The following PHACTR1 variants were observed in gnomAD, a reference collection of about 807,000 sequenced individuals.
The protein encoded by PHACTR1 is phosphatase and actin regulator 1, also known as RPEL repeat containing 1.
Under a neutral mutation model 69.2 loss-of-function variants are expected in PHACTR1, and 16 were observed. The ratio of observed to expected loss-of-function variants is 0.23; its 90% CI spans 0.16 to 0.35. PHACTR1 has a LOEUF of 0.35. PHACTR1 is among the 10% of genes least tolerant of loss of function. PHACTR1 has a pLI of 1.00. For missense variants in PHACTR1, 510 were observed against 734.7 expected, an observed-to-expected ratio of 0.69 and a Z score of 3.54; for synonymous variants, 312 against 284.5, an observed-to-expected ratio of 1.10 and a Z score of -0.97.
intron 8 of PHACTR1, 85 bp from the exon 9 acceptor site, chr6:13,227,731 C>T: frequency 6.6e-7 from 1 of 1,515,066 alleles, no homozygotes; most frequent in South Asian, 1.3e-5. Flanking sequence ...TAGGACTGGG[C>T]AACTGAGTTT....
At chr6:13,054,425 C>CA (rs1806464209) in intron 5 of PHACTR1, among the ~76,000 whole-genome samples, 1 of 152,166 alleles carries the variant, frequency 6.6e-6, no homozygotes, top group South Asian at 2.1e-4. Context: ...GCTGCCATAA[C>CA]AAAATACTGT....
intron 4 of PHACTR1, among the ~76,000 whole-genome samples, chr6:12,877,960 G>A (rs1032662075): frequency 2.1e-4 from 32 of 152,120 alleles, no homozygotes; most frequent in Non-Finnish European, 4.3e-4. Flanking sequence ...CTCACAGTGG[G>A]GAAGATCAAA....
intron 5 of PHACTR1, among the ~76,000 whole-genome samples, chr6:13,113,836 C>T (rs1214357798): frequency 3.3e-5 from 5 of 152,096 alleles, no homozygotes; most frequent in African/African-American, 1.2e-4. Flanking sequence ...TTTGCAGGCC[C>T]TATGATAGTT....
intron 4 of PHACTR1, among the ~76,000 whole-genome samples, chr6:12,852,310 C>G (rs1561945522): frequency 1.3e-5 from 2 of 152,156 alleles, no homozygotes; most frequent in Non-Finnish European, 2.9e-5. Context: ...AAAACAAACA[C>G]ATCTAACAAC....
At chr6:13,127,597 G>A (rs1819740796) in intron 5 of PHACTR1, among the ~76,000 whole-genome samples, 1 of 151,854 alleles carries the variant, frequency 6.6e-6, no homozygotes, top group Admixed American at 6.6e-5. Flanking sequence ...TAGAAGGAAG[G>A]TCACCAATGG....
chr6:13,260,789 G>A (rs1333965380), intron 10 of PHACTR1, among the ~76,000 whole-genome samples: 4 of 152,126 alleles, frequency 2.6e-5, no homozygotes, highest in Non-Finnish European at 5.9e-5. Context: ...AGAAATATGA[G>A]ACTATTAGTC....
At chr6:12,863,627 C>A (rs930083080) in intron 4 of PHACTR1, among the ~76,000 whole-genome samples, 2 of 152,232 alleles carry the variant, frequency 1.3e-5, no homozygotes, top group Non-Finnish European at 2.9e-5. Flanking sequence ...CACAGAAGTG[C>A]AGTCCTGGGA....
chr6:13,065,820 T>C (rs1270059534), intron 5 of PHACTR1, among the ~76,000 whole-genome samples: 10 of 152,094 alleles, frequency 6.6e-5, no homozygotes, highest in African/African-American at 2.2e-4. Context: ...AAAGCAAACA[T>C]GCAAATAATC....
chr6:13,032,976 C>T (rs1484069604), intron 4 of PHACTR1, among the ~76,000 whole-genome samples: 1 of 152,062 alleles, frequency 6.6e-6, no homozygotes. Flanking sequence ...GAGGAAGTCT[C>T]GATTTTGTAA....
In PHACTR1 at chr6:12,923,265, C is replaced by G. The variant is rs191385506; in HGVS notation, c.251-130100C>G. Among the ~76,000 whole-genome samples the G allele has an allele frequency of 7.2e-5, 11 of 152,154 alleles. No individual in the cohort carries two copies. The East Asian group carries it at 1.7e-3, about 24-fold the overall frequency. On this transcript the variant is annotated intron_variant, in intron 4 of 14. Coordinates refer to ENST00000332995, the MANE Select transcript of PHACTR1 (RefSeq NM_030948.6). ...AAAGGTCATGGAAATGAATCTATCC[C>G]AAAGGACCTATGCTTTAATAATAAA...
At chr6:13,180,920 T>C (rs764919254) in intron 6 of PHACTR1, among the ~76,000 whole-genome samples, 4 of 152,112 alleles carry the variant, frequency 2.6e-5, no homozygotes, top group Non-Finnish European at 5.9e-5. Context: ...TATTAATTAG[T>C]AATCATCATA....
chr6:13,188,420 G>A (rs1424520834), intron 7 of PHACTR1, among the ~76,000 whole-genome samples: 4 of 152,186 alleles, frequency 2.6e-5, no homozygotes, highest in African/African-American at 9.7e-5. Flanking sequence ...ACTCTAAATT[G>A]AGACTCATGA....
chr6:13,120,428 T>C (rs1400854994), intron 5 of PHACTR1, among the ~76,000 whole-genome samples: 1 of 152,168 alleles, frequency 6.6e-6, no homozygotes, highest in Non-Finnish European at 1.5e-5. Context: ...AAAATGATGA[T>C]CTTAAATGAG....
intron 10 of PHACTR1, 81 bp downstream of exon 10, chr6:13,230,274 G>A (rs533613706): frequency 1.5e-4 from 236 of 1,546,860 alleles, no homozygotes; most frequent in Non-Finnish European, 1.8e-4. Context: ...AGTCTCGGCC[G>A]GGCGCAGTAG....
At chr6:12,941,155 A>G (rs1264495940) in intron 4 of PHACTR1, among the ~76,000 whole-genome samples, 3 of 152,150 alleles carry the variant, frequency 2.0e-5, no homozygotes, top group Non-Finnish European at 2.9e-5. Flanking sequence ...TAGTTCACCT[A>G]CAGAAAACCC....
intron 8 of PHACTR1, among the ~76,000 whole-genome samples, chr6:13,216,751 T>C (rs1432797523): frequency 6.6e-6 from 1 of 152,220 alleles, no homozygotes; most frequent in Non-Finnish European, 1.5e-5. Context: ...TTAACTGCTA[T>C]TCCAAGGTAC....
intron 4 of PHACTR1, among the ~76,000 whole-genome samples, chr6:12,790,474 A>G (rs1772129792): frequency 6.6e-6 from 1 of 152,108 alleles, no homozygotes; most frequent in South Asian, 2.1e-4. Context: ...TGACCACCCT[A>G]TTTAAAATTG....
At chr6:13,231,168 AGAG>A (rs1196281183) in intron 10 of PHACTR1, among the ~76,000 whole-genome samples, 2 of 77,716 alleles carry the variant, frequency 2.6e-5, no homozygotes, top group Non-Finnish European at 7.2e-5. Context: ...AAAGAGCGAA[AGAG>A]GAGGAGGGAG....
intron 10 of PHACTR1, among the ~76,000 whole-genome samples, chr6:13,260,688 C>T (rs937026358): frequency 6.6e-6 from 1 of 152,190 alleles, no homozygotes; most frequent in Non-Finnish European, 1.5e-5. Flanking sequence ...ATGCATCATA[C>T]TGCCCAAAGC....
Sources: gnomAD v4.1 joint callset for allele counts (sites outside exome capture counted in the v4.1 genomes callset) on GRCh38, gnomAD v4.1.1 for gene constraint, MANE v1.5 for transcripts, NCBI Gene and HGNC (gene_info 2026-07-23, HGNC 2026-07-21) for gene names.